Variants in CYP3A43 observed in about 807,000 individuals in gnomAD.
CYP3A43 encodes cytochrome P450 family 3 subfamily A member 43.
In CYP3A43, 45 loss-of-function variants were observed where a neutral mutation model predicts 58.0. That is an observed-to-expected ratio of 0.78 (90% CI 0.61 to 0.99). The LOEUF is 0.99. Among genes scored for constraint, CYP3A43 ranks in the 50% least tolerant of loss-of-function variants. The pLI is 0.00. For missense variants in CYP3A43, 593 were observed against 591.9 expected (o/e 1.00, Z -0.02); for synonymous variants, 191 against 201.4 (o/e 0.95, Z 0.44).
At chr7:99,838,584 C>A in intron 2 of CYP3A43, 1 of 999,820 alleles carries the variant, frequency 1.0e-6, no homozygotes, top group Non-Finnish European at 1.3e-6. Context: ...AGAAGTAAGT[C>A]ATTCAATATC....
At position 99,845,286 on chromosome 7, in the gene CYP3A43, G is replaced by C. The variant is rs1190536099; in HGVS notation, c.318+1044G>C. Among the ~76,000 whole-genome samples the C allele has an allele frequency of 2.0e-5, 3 of 151,892 alleles. No homozygotes were observed. The East Asian group carries it at 5.8e-4, about 29-fold the overall frequency. On this transcript the variant is annotated intron_variant, in intron 4 of 12. Coordinates refer to ENST00000354829, the MANE Select transcript of CYP3A43 (RefSeq NM_057095.3). ...TTTTCACAATTGTCAAAAATCAGTT[G>C]AGCAGATTTCTGTGCATCTCTTTTT...
At chr7:99,844,340 A>G (rs501275) in intron 4 of CYP3A43, 98 bp downstream of exon 4, 107,400 of 1,153,240 alleles carry the variant, frequency 0.093, 11,684 homozygotes, top group African/African-American at 0.52. Flanking sequence ...AAAGTGCTTT[A>G]TACTTCGTCC....
chr7:99,851,618 C>T (rs953658429), intron 7 of CYP3A43, among the ~76,000 whole-genome samples: 7 of 152,182 alleles, frequency 4.6e-5, no homozygotes, highest in Non-Finnish European at 1.0e-4. Context: ...TGCCCATATA[C>T]AGCTGAATTC....
In CYP3A43 at chr7:99,828,140, A is replaced by G. The variant is rs1180912106; in HGVS notation, c.25A>G (p.Met9Val). 2.5e-6 allele frequency: 4 copies of G among 1,613,276 alleles called. No homozygotes were observed. The highest frequency in any genetic ancestry group is 3.4e-6 in the Non-Finnish European group (4 of 1,179,504). ...GATGGATCTCATTCCAAACTTTGCC[A>G]TGGAAACATGGGTTCTTGTGGCTAC... is the stretch of plus-strand genomic sequence containing the variant. The part of the protein sequence containing the change: MDLIPNFA[M>V]ETWVLVATSL... The change falls in exon 1 of 13, where the codon ATG becomes GTG. Residue 9 changes from methionine to valine, a missense_variant. Coordinates refer to ENST00000354829, the MANE Select transcript of CYP3A43 (RefSeq NM_057095.3).
chr7:99,850,486 T>C (rs1817718773), intron 7 of CYP3A43, among the ~76,000 whole-genome samples: 1 of 151,928 alleles, frequency 6.6e-6, no homozygotes, highest in East Asian at 1.9e-4. Context: ...GATCTCGATC[T>C]CTTGACCTTG....
chr7:99,850,082 G>A, intron 7 of CYP3A43: 1 of 417,516 alleles, frequency 2.4e-6, no homozygotes, highest in Non-Finnish European at 4.7e-6. Flanking sequence ...TCAGCCTCCT[G>A]AGGAGCTGGG....
rs1178680904 is a variant in CYP3A43 at position 99,839,151 on chromosome 7, A to G, written c.197A>G (p.Glu66Gly). 1 of 1,614,060 alleles carries G rather than the reference A, an allele frequency of 6.2e-7. No homozygotes were observed. The highest frequency in any genetic ancestry group is 1.3e-5 in the African/African-American group (1 of 74,920). Residue 66 changes from glutamate (E) to glycine (G), a missense_variant, in exon 3 of 13, where the codon GAA (glutamate) becomes GGA (glycine). By Grantham distance (98) the Glu-to-Gly change is moderately conservative. Transcript: ENST00000354829. ...TGGAATTTTGACAGAGAATGTAATG[A>G]AAAATACGGAGAAATGTGGGGGTGA... ...GLWNFDRECN[E>G]KYGEMWGLYE... is the part of the protein sequence containing the mutation.
At chr7:99,863,922 G>T (rs926069308) in intron 12 of CYP3A43, among the ~76,000 whole-genome samples, 1 of 148,510 alleles carries the variant, frequency 6.7e-6, no homozygotes, top group Non-Finnish European at 1.5e-5. Flanking sequence ...ATATAGATTA[G>T]CATGGTATAA....
intron 7 of CYP3A43, among the ~76,000 whole-genome samples, chr7:99,851,125 A>G (rs1299997608): frequency 1.3e-5 from 2 of 151,520 alleles, no homozygotes; most frequent in Non-Finnish European, 2.9e-5. Flanking sequence ...AGATCGCACC[A>G]CTGCACTCCA....
chr7:99,853,645 C>G (rs1486771161), intron 7 of CYP3A43, among the ~76,000 whole-genome samples: 1 of 152,186 alleles, frequency 6.6e-6, no homozygotes, highest in Non-Finnish European at 1.5e-5. Flanking sequence ...CAACCTCCAC[C>G]TCCTGGGGTC....
chr7:99,833,678 G>A (rs1298381982), intron 1 of CYP3A43, among the ~76,000 whole-genome samples: 1 of 152,004 alleles, frequency 6.6e-6, no homozygotes, highest in African/African-American at 2.4e-5. Context: ...TGTCCCCTTT[G>A]GTGCTTTTTA....
chr7:99,832,209 G>T (rs1445622709), intron 1 of CYP3A43, among the ~76,000 whole-genome samples: 1 of 151,618 alleles, frequency 6.6e-6, no homozygotes, highest in Non-Finnish European at 1.5e-5. Flanking sequence ...TAATTCAATG[G>T]ATGTAGTGAT....
chr7:99,860,140 A>G, intron 10 of CYP3A43, 150 bp downstream of exon 10: 1 of 1,007,464 alleles, frequency 9.9e-7, no homozygotes, highest in African/African-American at 1.7e-5. Flanking sequence ...AGTAAAAACA[A>G]AGGGAGAATC....
rs1258394160 is a variant in CYP3A43, at chr7:99,848,240, C to T, written c.507C>T (p.Ser169=). Residue 169 remains serine, a synonymous_variant, in exon 6 of 13, where the codon TCC becomes TCT. Coordinates refer to ENST00000354829, the MANE Select transcript of CYP3A43 (RefSeq NM_057095.3). ...SLRQEAENSK[S]INLKDFFGAY... is the part of the protein sequence containing the mutation. ...GGCAGGAAGCAGAGAACAGCAAGTC[C>T]ATCAACTTGAAAGAGTAAGTAGCAC... 5 of 1,613,892 alleles carry T rather than the reference C, an allele frequency of 3.1e-6. No homozygotes were observed. Among genetic ancestry groups the T allele is most frequent in the African/African-American group, 1.3e-5 (1 of 74,894 alleles).
At chr7:99,847,937 A>G in intron 5 of CYP3A43, 1 of 559,158 alleles carries the variant, frequency 1.8e-6, no homozygotes, top group Non-Finnish European at 3.2e-6. Context: ...GTTTGAATCT[A>G]GAGGCGGAGG....
At chr7:99,844,783 G>T (rs578205714) in intron 4 of CYP3A43, among the ~76,000 whole-genome samples, 1 of 152,106 alleles carries the variant, frequency 6.6e-6, no homozygotes, top group African/African-American at 2.4e-5. Context: ...AAGTTATATG[G>T]TTTAAGGCTG....
At chr7:99,843,469 AT>A (rs936222106) in intron 3 of CYP3A43, among the ~76,000 whole-genome samples, 2 of 151,190 alleles carry the variant, frequency 1.3e-5, no homozygotes, top group Non-Finnish European at 3.0e-5. Flanking sequence ...TGTTTATTTT[AT>A]TTTTTTTTAT....
chr7:99,864,031 T>C (rs1357475025), intron 12 of CYP3A43, among the ~76,000 whole-genome samples: 1 of 148,744 alleles, frequency 6.7e-6, no homozygotes, highest in East Asian at 1.9e-4. Flanking sequence ...AGTGCAATGA[T>C]TACTTTGTCA....
At chr7:99,839,281 A>G in intron 3 of CYP3A43, 109 bp downstream of exon 3, 1 of 1,312,388 alleles carries the variant, frequency 7.6e-7, no homozygotes, top group South Asian at 1.2e-5. Flanking sequence ...GCTATTGTCA[A>G]CCTAAGTAAC....
Sources: allele counts gnomAD v4.1 joint callset (sites outside exome capture counted in the v4.1 genomes callset), GRCh38; gene constraint gnomAD v4.1.1; transcripts MANE v1.5; gene names NCBI Gene and HGNC (gene_info 2026-07-23, HGNC 2026-07-21).